The following RAB10 variants were observed in gnomAD, a reference collection of about 807,000 sequenced individuals.
RAB10 encodes RAB10, member RAS oncogene family, also known as ras-related protein Rab-10.
A neutral mutation model predicts 25.7 loss-of-function variants in RAB10; 5 were observed. The observed-to-expected ratio is 0.19, with a 90% CI of 0.10 to 0.41. The LOEUF is 0.41. Among genes scored for constraint, RAB10 ranks in the 10% least tolerant of loss-of-function variants. The pLI is 1.00. For missense variants in RAB10, 103 were observed against 245.8 expected (o/e 0.42, Z 3.89); for synonymous variants, 89 against 86.4 (o/e 1.03, Z -0.16).
chr2:26,120,758 T>A (rs770014625), intron 3 of RAB10, among the ~76,000 whole-genome samples: 3 of 151,928 alleles, frequency 2.0e-5, no homozygotes, highest in Non-Finnish European at 4.4e-5. Flanking sequence ...ACCCAGCTAA[T>A]TTTTTGTATT....
rs574098913 is a variant in RAB10 at position 26,105,145 on chromosome 2, T to C, written c.189-4623T>C. Among the ~76,000 whole-genome samples, 428 of 152,248 alleles carry C rather than the reference T, an allele frequency of 2.8e-3. 14 individuals are homozygous for C. The South Asian group carries it at 0.081, about 29-fold the overall frequency. ...CATTTGTTGGAAAGCCTGTTTTTTT[T>C]CCCCAATGAAGATATTAGAAGTTTT... is the stretch of plus-strand genomic sequence containing the variant. On this transcript the variant is annotated intron_variant, in intron 2 of 5. Transcript: ENST00000264710.
At chr2:26,080,072 CAAA>C (rs565291352) in intron 1 of RAB10, among the ~76,000 whole-genome samples, 2 of 152,224 alleles carry the variant, frequency 1.3e-5, no homozygotes, top group South Asian at 2.1e-4. Flanking sequence ...TTCTAGAAAA[CAAA>C]GAAGTGCTCA....
intron 1 of RAB10, among the ~76,000 whole-genome samples, chr2:26,081,825 G>A (rs554537947): frequency 4.7e-4 from 72 of 152,228 alleles, no homozygotes; most frequent in South Asian, 8.3e-4. Context: ...GTTCAGAAAG[G>A]AAAAGCTATC....
intron 1 of RAB10, among the ~76,000 whole-genome samples, chr2:26,097,123 A>G (rs1438392140): frequency 6.6e-6 from 1 of 152,154 alleles, no homozygotes; most frequent in African/African-American, 2.4e-5. Context: ...AGGCTGAGGT[A>G]AGAGGATCAC....
intron 1 of RAB10, among the ~76,000 whole-genome samples, chr2:26,085,538 C>CA (rs1180343214): frequency 6.6e-6 from 1 of 151,132 alleles, no homozygotes; most frequent in African/African-American, 2.4e-5. Flanking sequence ...TTCAGGTCAC[C>CA]AGCTTGACCT....
intron 5 of RAB10, among the ~76,000 whole-genome samples, chr2:26,134,570 C>T (rs1468317102): frequency 1.3e-5 from 2 of 152,196 alleles, no homozygotes; most frequent in East Asian, 3.8e-4. Flanking sequence ...ATTTCTGTGA[C>T]GTTACATATA....
chr2:26,063,170 C>T (rs930313398), intron 1 of RAB10, among the ~76,000 whole-genome samples: 2 of 151,710 alleles, frequency 1.3e-5, no homozygotes, highest in Admixed American at 1.3e-4. Flanking sequence ...AATGGTCAAT[C>T]TATTAGACTG....
At chr2:26,043,414 C>T (rs567996339) in intron 1 of RAB10, among the ~76,000 whole-genome samples, 1 of 152,270 alleles carries the variant, frequency 6.6e-6, no homozygotes, top group African/African-American at 2.4e-5. Flanking sequence ...CAGAGCAAGA[C>T]CCTGTCTCAA....
rs1403438672 is a variant in RAB10, at chr2:26,130,767, A to T, written c.519+2816A>T. Among the ~76,000 whole-genome samples, 5 of 152,262 alleles carry T rather than the reference A, an allele frequency of 3.3e-5. No individual in the cohort carries two copies. In the East Asian group the frequency reaches 7.7e-4, roughly 24 times the overall value. ...CAAAAATTGTATTTTTAATTAAATG[A>T]AGGGAATAAAAGAAATAGAAAAATG... On this transcript the variant is annotated intron_variant, in intron 5 of 5. Coordinates refer to ENST00000264710, the MANE Select transcript of RAB10 (RefSeq NM_016131.5).
intron 1 of RAB10, among the ~76,000 whole-genome samples, chr2:26,062,016 G>A (rs1049128471): frequency 2.0e-5 from 3 of 152,084 alleles, no homozygotes; most frequent in Non-Finnish European, 4.4e-5. Flanking sequence ...CTAGGAGCTT[G>A]GGGAAAAGGG....
intron 1 of RAB10, among the ~76,000 whole-genome samples, chr2:26,074,229 A>G (rs561117402): frequency 1.9e-4 from 29 of 152,256 alleles, no homozygotes; most frequent in Non-Finnish European, 3.8e-4. Flanking sequence ...AGTATTTTGA[A>G]TGAAACAGAT....
chr2:26,109,144 A>T (rs1198774543), intron 2 of RAB10, among the ~76,000 whole-genome samples: 2 of 140,402 alleles, frequency 1.4e-5, no homozygotes, highest in Non-Finnish European at 3.2e-5. Flanking sequence ...TCCTGACCTT[A>T]AGTGATCTAC....
intron 1 of RAB10, among the ~76,000 whole-genome samples, chr2:26,079,292 A>G (rs6546744): frequency 0.77 from 116,063 of 150,588 alleles, 44,761 homozygotes; most frequent in East Asian, 0.87. Context: ...GAGTGGGGGT[A>G]GGAGCTAGCA....
chr2:26,058,979 C>T (rs1197209635), intron 1 of RAB10, among the ~76,000 whole-genome samples: 2 of 152,180 alleles, frequency 1.3e-5, no homozygotes, highest in East Asian at 1.9e-4. Flanking sequence ...GTCTGCTCAC[C>T]TCTATATCTC....
At chr2:26,053,531 C>T (rs1462810009) in intron 1 of RAB10, among the ~76,000 whole-genome samples, 3 of 152,074 alleles carry the variant, frequency 2.0e-5, no homozygotes, top group Non-Finnish European at 2.9e-5. Flanking sequence ...TTCAGTGGGT[C>T]CTATATATCA....
intron 1 of RAB10, among the ~76,000 whole-genome samples, chr2:26,070,545 G>A (rs1271753423): frequency 6.6e-5 from 10 of 152,054 alleles, no homozygotes; most frequent in African/African-American, 1.9e-4. Context: ...ACAATATTAT[G>A]AAGAGGGCAA....
intron 3 of RAB10, among the ~76,000 whole-genome samples, chr2:26,114,440 C>T (rs543239433): frequency 1.8e-4 from 27 of 152,242 alleles, no homozygotes; most frequent in African/African-American, 6.5e-4. Context: ...TAAACTCTTA[C>T]ATATATGGTC....
intron 1 of RAB10, among the ~76,000 whole-genome samples, chr2:26,061,249 T>G (rs1574532956): frequency 6.6e-6 from 1 of 151,924 alleles, no homozygotes; most frequent in East Asian, 1.9e-4. Context: ...CCAAGTTGCT[T>G]GGACCACAGG....
intron 5 of RAB10, among the ~76,000 whole-genome samples, chr2:26,134,458 G>C (rs1313746440): frequency 1.3e-5 from 2 of 152,118 alleles, no homozygotes; most frequent in African/African-American, 2.4e-5. Context: ...ACTACATTTT[G>C]CTCCACTCCT....
Sources: allele counts gnomAD v4.1 joint callset (sites outside exome capture counted in the v4.1 genomes callset), GRCh38; gene constraint gnomAD v4.1.1; transcripts MANE v1.5; gene names NCBI Gene and HGNC (gene_info 2026-07-23, HGNC 2026-07-21).